Variants in ANKFN1 observed in about 807,000 individuals in gnomAD.
ANKFN1 encodes the protein ankyrin repeat and fibronectin type-III domain-containing protein 1.
Under a neutral mutation model 108.7 loss-of-function variants are expected in ANKFN1, and 74 were observed. That is an observed-to-expected ratio of 0.68 (90% CI 0.56 to 0.83). The LOEUF is 0.83. Among genes scored for constraint, ANKFN1 ranks in the 40% least tolerant of loss-of-function variants. ANKFN1 has a pLI of 0.00. For missense variants in ANKFN1, 1,505 were observed against 1,382.3 expected (o/e 1.09, Z -1.41); for synonymous variants, 547 against 516.2 (o/e 1.06, Z -0.81).
intron 4 of ANKFN1, among the ~76,000 whole-genome samples, chr17:56,126,979 A>G (rs1413627449): frequency 6.6e-6 from 1 of 152,248 alleles, no homozygotes; most frequent in Non-Finnish European, 1.5e-5. Context: ...TGGCATATCT[A>G]TCATAAATGC....
chr17:56,115,939 C>T (rs1906239736), intron 4 of ANKFN1, among the ~76,000 whole-genome samples: 1 of 152,154 alleles, frequency 6.6e-6, no homozygotes, highest in Non-Finnish European at 1.5e-5. Context: ...TACTAGCTAT[C>T]CTATTACATT....
chr17:56,460,267 A>G (rs1261956649), intron 14 of ANKFN1, among the ~76,000 whole-genome samples: 1 of 152,074 alleles, frequency 6.6e-6, no homozygotes, highest in African/African-American at 2.4e-5. Context: ...CAGCTGAGCA[A>G]CATGGCAAAA....
intron 10 of ANKFN1, among the ~76,000 whole-genome samples, chr17:56,448,663 T>C (rs1006535638): frequency 6.6e-6 from 1 of 152,170 alleles, no homozygotes; most frequent in Non-Finnish European, 1.5e-5. Context: ...TTTCATCTAG[T>C]CTGCACATTC....
intron 8 of ANKFN1, among the ~76,000 whole-genome samples, chr17:56,389,008 C>CAAAAAAAAAAAAAAAAAAAAAAAAAAAAA (rs61666228): frequency 1.1e-5 from 1 of 92,996 alleles, no homozygotes. Context: ...TTGGCAATTT[C>CAAAAAAAAAAAAAAAAAAAAAAAAAAAAA]AAAAAAAAAA....
intron 8 of ANKFN1, among the ~76,000 whole-genome samples, chr17:56,384,483 T>G (rs902130372): frequency 6.6e-6 from 1 of 152,002 alleles, no homozygotes; most frequent in African/African-American, 2.4e-5. Flanking sequence ...CCAGGGCAAT[T>G]AGGCAGGAGA....
chr17:56,049,417 T>A (rs945482275), intron 4 of ANKFN1, among the ~76,000 whole-genome samples: 3 of 151,718 alleles, frequency 2.0e-5, no homozygotes, highest in African/African-American at 7.3e-5. Context: ...ATACTTTAAG[T>A]TTTAGGGTAC....
At chr17:56,321,771 T>G (rs60780621) in intron 3 of ANKFN1, among the ~76,000 whole-genome samples, 348 of 152,244 alleles carry the variant, frequency 2.3e-3, no homozygotes, top group African/African-American at 7.9e-3. Flanking sequence ...ATTTAACTGG[T>G]CCAATGCTCT....
chr17:56,499,373 G>T (rs1236079673), intron 20 of ANKFN1, among the ~76,000 whole-genome samples: 1 of 152,110 alleles, frequency 6.6e-6, no homozygotes, highest in East Asian at 1.9e-4. Flanking sequence ...ATAAAACAGG[G>T]ATACAGCTTC....
chr17:56,347,646 A>G (rs549547634), intron 4 of ANKFN1, among the ~76,000 whole-genome samples: 76 of 152,096 alleles, frequency 5.0e-4, no homozygotes, highest in Non-Finnish European at 8.4e-4. Context: ...TTACCATCTT[A>G]TCTGACAAAA....
At chr17:56,185,360 G>GT (rs1437050363) in intron 1 of ANKFN1, among the ~76,000 whole-genome samples, 1 of 152,162 alleles carries the variant, frequency 6.6e-6, no homozygotes, top group Non-Finnish European at 1.5e-5. Flanking sequence ...AAGGAAAAAA[G>GT]TTTGAGACAT....
At chr17:56,139,441 C>T (rs1171121262) in intron 4 of ANKFN1, among the ~76,000 whole-genome samples, 1 of 152,112 alleles carries the variant, frequency 6.6e-6, no homozygotes, top group African/African-American at 2.4e-5. Context: ...AATGTTGTGC[C>T]ATTAGAATCA....
intron 3 of ANKFN1, among the ~76,000 whole-genome samples, chr17:56,240,622 G>A (rs1038180913): frequency 1.3e-5 from 2 of 152,024 alleles, no homozygotes; most frequent in Non-Finnish European, 2.9e-5. Context: ...CCCTCCTAGG[G>A]TTGACCAGTT....
intron 9 of ANKFN1, among the ~76,000 whole-genome samples, chr17:56,440,682 T>G (rs543491407): frequency 6.6e-6 from 1 of 152,326 alleles, no homozygotes; most frequent in South Asian, 2.1e-4. Context: ...TGAAAGCTGC[T>G]GCTTTCTGGA....
intron 3 of ANKFN1, among the ~76,000 whole-genome samples, chr17:56,278,877 G>A (rs149711216): frequency 2.0e-5 from 3 of 152,108 alleles, no homozygotes; most frequent in African/African-American, 4.8e-5. Flanking sequence ...GTGAAACTAC[G>A]ATATTTATTT....
At chr17:56,489,745 G>C (rs752156845) in intron 18 of ANKFN1, among the ~76,000 whole-genome samples, 1 of 151,602 alleles carries the variant, frequency 6.6e-6, no homozygotes, top group Non-Finnish European at 1.5e-5. Flanking sequence ...TTTACCTCTT[G>C]GTTCAGAAAG....
intron 14 of ANKFN1, among the ~76,000 whole-genome samples, chr17:56,461,178 G>A (rs1044358825): frequency 2.0e-5 from 3 of 152,188 alleles, no homozygotes; most frequent in Non-Finnish European, 4.4e-5. Context: ...AAACAGTCTA[G>A]TATTTGCTGG....
intron 4 of ANKFN1, among the ~76,000 whole-genome samples, chr17:56,131,887 T>C (rs911770558): frequency 6.6e-6 from 1 of 152,134 alleles, no homozygotes; most frequent in Non-Finnish European, 1.5e-5. Flanking sequence ...GATGAGAACA[T>C]TATAGTGAAT....
At chr17:56,239,073 A>C (rs758033311) in intron 3 of ANKFN1, among the ~76,000 whole-genome samples, 1 of 152,186 alleles carries the variant, frequency 6.6e-6, no homozygotes, top group African/African-American at 2.4e-5. Flanking sequence ...AGTATTGATT[A>C]TGATTCAAAG....
intron 14 of ANKFN1, among the ~76,000 whole-genome samples, chr17:56,460,234 A>G (rs767893238): frequency 2.0e-5 from 3 of 152,086 alleles, no homozygotes; most frequent in Non-Finnish European, 2.9e-5. Context: ...CAGGTGGATC[A>G]CTTGAGCTTA....
Sources: gnomAD v4.1 joint callset for allele counts (sites outside exome capture counted in the v4.1 genomes callset) on GRCh38, gnomAD v4.1.1 for gene constraint, MANE v1.5 for transcripts, NCBI Gene and HGNC (gene_info 2026-07-23, HGNC 2026-07-21) for gene names.